Variants in PSME4 observed in about 807,000 individuals in gnomAD.
PSME4 encodes proteasome activator complex subunit 4.
A neutral mutation model predicts 253.9 loss-of-function variants in PSME4; 89 were observed. That is an observed-to-expected ratio of 0.35 (90% confidence interval 0.30 to 0.42). The LOEUF is 0.42. PSME4 is among the 10% of genes least tolerant of loss of function. The pLI, the probability that PSME4 is intolerant of heterozygous loss-of-function variation, is 1.00. For synonymous variants in PSME4, 851 were observed against 759.2 expected (o/e 1.12, Z -1.99); for missense variants, 2,014 against 2,195.2 (o/e 0.92, Z 1.65).
intron 16 of PSME4, 104 bp downstream of exon 16, chr2:53,922,945 A>G (rs1668391298): frequency 1.0e-6 from 1 of 982,932 alleles, no homozygotes; most frequent in Non-Finnish European, 1.4e-6. Context: ...GCCAATCAAA[A>G]TATTGTGAAG....
intron 1 of PSME4, among the ~76,000 whole-genome samples, chr2:53,962,379 T>C (rs548854285): frequency 1.4e-5 from 2 of 145,642 alleles, no homozygotes; most frequent in South Asian, 2.1e-4. Flanking sequence ...TATATAGTTA[T>C]ATGCTTATTT....
chr2:53,902,019 C>G (rs1680423003), intron 27 of PSME4, among the ~76,000 whole-genome samples: 1 of 152,136 alleles, frequency 6.6e-6, no homozygotes, highest in Non-Finnish European at 1.5e-5. Flanking sequence ...ATGAGCCATG[C>G]CTGTGCCACT....
At chr2:53,897,768 G>T in intron 31 of PSME4, 102 bp downstream of exon 31, 1 of 1,298,840 alleles carries the variant, frequency 7.7e-7, no homozygotes, top group Non-Finnish European at 1.1e-6. Context: ...TACACTTCAA[G>T]ATATTTATTA....
chr2:53,903,461 T>G (rs1680505196), intron 27 of PSME4, among the ~76,000 whole-genome samples: 1 of 152,204 alleles, frequency 6.6e-6, no homozygotes, highest in Admixed American at 6.5e-5. Context: ...TCATTATATA[T>G]TACCTATACT....
chr2:53,923,010 C>A lies in PSME4; in HGVS notation c.1978+39G>T, dbSNP rs755453308. ...TTTAGAAACCAAGAAAAAAACTTAT[C>A]CAAAATTGTAAAGAGAGAATAATGA... On this transcript the variant is annotated intron_variant, in intron 16 of 46. Transcript: ENST00000404125. 5 of 1,394,118 alleles carry A rather than the reference C, an allele frequency of 3.6e-6. No homozygotes were observed. In the East Asian group the frequency reaches 1.0e-4, roughly 28 times the overall value. The allele number at this position is 1,394,118 out of a possible 1,614,324, so 86.4% of individuals were successfully genotyped here.
intron 3 of PSME4, among the ~76,000 whole-genome samples, chr2:53,943,738 A>T (rs538440786): frequency 6.6e-6 from 1 of 150,908 alleles, no homozygotes; most frequent in East Asian, 2.0e-4. Context: ...GCTACTCAGG[A>T]GACTGAGGCA....
intron 24 of PSME4, 43 bp from the exon 25 acceptor site, chr2:53,906,911 A>C: frequency 6.3e-7 from 1 of 1,579,860 alleles, no homozygotes; most frequent in Non-Finnish European, 8.7e-7. Context: ...ATTTTCCCTA[A>C]ATGACTTCAA....
At chr2:53,920,638 A>G (rs1199087200) in intron 18 of PSME4, among the ~76,000 whole-genome samples, 1 of 152,206 alleles carries the variant, frequency 6.6e-6, no homozygotes, top group Non-Finnish European at 1.5e-5. Flanking sequence ...GTTTAGCAAT[A>G]AAATTATATT....
intron 1 of PSME4, among the ~76,000 whole-genome samples, chr2:53,956,187 GA>G (rs1353392428): frequency 6.6e-6 from 1 of 152,116 alleles, no homozygotes; most frequent in African/African-American, 2.4e-5. Flanking sequence ...GTAAAACTGA[GA>G]AACTTTTTTG....
chr2:53,935,897 G>GT (rs80151181), intron 7 of PSME4, among the ~76,000 whole-genome samples, 190 bp downstream of exon 7: 14,663 of 144,834 alleles, frequency 0.1, 883 homozygotes, highest in East Asian at 0.27. Context: ...TGTTCAAAAT[G>GT]TTTTTTTTTT....
chr2:53,920,401 C>T (rs768982852), intron 18 of PSME4, 51 bp from the exon 19 acceptor site: 2 of 1,494,896 alleles, frequency 1.3e-6, no homozygotes, highest in Non-Finnish European at 1.8e-6. Context: ...AAAACAACAA[C>T]AACAAACCCA....
intron 27 of PSME4, 151 bp downstream of exon 27, chr2:53,903,874 A>AT (rs1680525154): frequency 3.1e-6 from 2 of 639,774 alleles, no homozygotes; most frequent in African/African-American, 3.8e-5. Flanking sequence ...TACATTAAAA[A>AT]AAAGAACAGA....
Position 53,936,081 on chromosome 2 carries a change from A to C in PSME4, c.834+6T>G. 6.2e-7 allele frequency: 1 copy of C among 1,610,154 alleles called. No homozygotes were observed. Among genetic ancestry groups the C allele is most frequent in the Non-Finnish European group, 8.5e-7 (1 of 1,178,046 alleles). On this transcript the variant is annotated splice_donor_region_variant and intron_variant, in intron 7 of 46. Coordinates refer to ENST00000404125, the MANE Select transcript of PSME4 (RefSeq NM_014614.3). ...TGATAATTTTTTTCCCCAAAATGTTAATTACCTTTGGTACATATGGATCCC... is the reference window on the plus strand; with the variant it reads ...TGATAATTTTTTTCCCCAAAATGTTCATTACCTTTGGTACATATGGATCCC...
intron 20 of PSME4, chr2:53,917,245 A>T: frequency 5.8e-6 from 1 of 172,530 alleles, no homozygotes; most frequent in South Asian, 1.1e-4. Context: ...TGGGAAAAGC[A>T]GATAAAAGGA....
chr2:53,926,333 C>G (rs559666460), intron 12 of PSME4, among the ~76,000 whole-genome samples: 1 of 152,298 alleles, frequency 6.6e-6, no homozygotes, highest in South Asian at 2.1e-4. Flanking sequence ...TAGTCTCTCA[C>G]TACCTGAATG....
At chr2:53,944,915 A>G (rs2104472587) in intron 3 of PSME4, among the ~76,000 whole-genome samples, 1 of 152,320 alleles carries the variant, frequency 6.6e-6, no homozygotes, top group Admixed American at 6.5e-5. Context: ...GATTAATATG[A>G]AAAAAATGAA....
Position 53,920,291 on chromosome 2 carries a change from T to C in PSME4, c.2322A>G (p.Ser774=). The C allele has an allele frequency of 6.2e-7, 1 of 1,613,896 alleles. No homozygotes were observed. Among genetic ancestry groups the C allele is most frequent in the Non-Finnish European group, 8.5e-7 (1 of 1,179,878 alleles). The change falls in exon 19 of 47, where the codon TCA becomes TCG. Residue 774 remains serine (S), a synonymous_variant. Coordinates refer to ENST00000404125, the MANE Select transcript of PSME4 (RefSeq NM_014614.3). ...NLGIQWHVPS[S]EEVSFAFYLL... is the part of the protein sequence containing the mutation. Reference sequence around the variant, plus strand: ...GATAAAAGGCAAAAGACACTTCTTCTGAAGAAGGAACATGCCACTGGATTC... The same window carrying C: ...GATAAAAGGCAAAAGACACTTCTTCCGAAGAAGGAACATGCCACTGGATTC...
chr2:53,927,936 C>A (rs905333567), intron 11 of PSME4, among the ~76,000 whole-genome samples, 181 bp downstream of exon 11: 3 of 152,032 alleles, frequency 2.0e-5, no homozygotes, highest in East Asian at 1.9e-4. Flanking sequence ...GGTGACAGAC[C>A]AAGACTCCGT....
At chr2:53,937,024 A>G (rs1040843288) in intron 5 of PSME4, among the ~76,000 whole-genome samples, 197 bp from the exon 6 acceptor site, 1 of 152,228 alleles carries the variant, frequency 6.6e-6, no homozygotes, top group Non-Finnish European at 1.5e-5. Flanking sequence ...TATTTAAGAA[A>G]TATGATCTCA....
Sources: allele counts gnomAD v4.1 joint callset (sites outside exome capture counted in the v4.1 genomes callset), GRCh38; gene constraint gnomAD v4.1.1; transcripts MANE v1.5; gene names NCBI Gene and HGNC (gene_info 2026-07-23, HGNC 2026-07-21).